Variants in TBK1 observed in about 807,000 individuals in gnomAD.
TBK1 encodes the protein serine/threonine-protein kinase TBK1.
Under a neutral mutation model 99.9 loss-of-function variants are expected in TBK1, and 37 were observed. The observed-to-expected ratio is 0.37, with a 90% CI of 0.28 to 0.49. The LOEUF is 0.49. Ranked by LOEUF, TBK1 falls within the 20% of genes least tolerant of loss-of-function variation. The pLI, the probability that TBK1 is intolerant of heterozygous loss-of-function variation, is 0.98. For synonymous variants in TBK1, 258 were observed against 279.8 expected, an observed-to-expected ratio of 0.92 and a Z score of 0.78; for missense variants, 644 against 872.5, an observed-to-expected ratio of 0.74 and a Z score of 3.30.
intron 4 of TBK1, 44 bp downstream of exon 4, chr12:64,464,507 A>T (rs1443105494): frequency 1.4e-6 from 2 of 1,428,068 alleles, no homozygotes; most frequent in East Asian, 5.1e-5. Context: ...TATAAAATTT[A>T]ATAACAGAAT....
At chr12:64,459,267 G>T (rs2040521797) in intron 2 of TBK1, among the ~76,000 whole-genome samples, 1 of 152,154 alleles carries the variant, frequency 6.6e-6, no homozygotes, top group Non-Finnish European at 1.5e-5. Flanking sequence ...CTCAAGATCT[G>T]GACTGGCCAC....
chr12:64,462,390 A>C (rs1380989272), intron 3 of TBK1, among the ~76,000 whole-genome samples: 2 of 152,262 alleles, frequency 1.3e-5, no homozygotes, highest in Non-Finnish European at 2.9e-5. Flanking sequence ...TCAGGATTAA[A>C]AATATATATG....
chr12:64,487,601 G>A (rs776867564), intron 11 of TBK1, among the ~76,000 whole-genome samples: 19 of 151,952 alleles, frequency 1.3e-4, no homozygotes, highest in Admixed American at 1.1e-3. Context: ...CTTATCTATC[G>A]TCAATTGCTG....
At chr12:64,488,796 A>G (rs145654354) in intron 12 of TBK1, among the ~76,000 whole-genome samples, 260 of 152,346 alleles carry the variant, frequency 1.7e-3, no homozygotes, top group Admixed American at 1.4e-3. Flanking sequence ...AATGGAGACC[A>G]TCCTAGCCAA....
intron 13 of TBK1, among the ~76,000 whole-genome samples, chr12:64,491,576 T>G (rs570896394): frequency 3.3e-5 from 5 of 152,288 alleles, no homozygotes; most frequent in African/African-American, 1.2e-4. Context: ...TGAGCCGAGA[T>G]CGTGCCACTT....
intron 16 of TBK1, among the ~76,000 whole-genome samples, chr12:64,496,612 G>C (rs557598080): frequency 6.6e-6 from 1 of 152,240 alleles, no homozygotes; most frequent in Non-Finnish European, 1.5e-5. Context: ...GAGAAGGAGG[G>C]GGGAGAAAGA....
intron 3 of TBK1, among the ~76,000 whole-genome samples, chr12:64,463,441 G>A (rs186371730): frequency 8.0e-4 from 121 of 151,916 alleles, no homozygotes; most frequent in African/African-American, 2.8e-3. Flanking sequence ...GCTCATGCTT[G>A]CAATCCCAGC....
rs764851412 is a variant in TBK1, at chr12:64,481,817, A to G, written c.813-25A>G. On this transcript the variant is annotated intron_variant, in intron 7 of 20. Coordinates refer to ENST00000331710, the MANE Select transcript of TBK1 (RefSeq NM_013254.4). ...ACAGAATATGATATATTCACTCTTC[A>G]AGTAACTTTTCAATACTATTTTAGG... 9 of 1,501,160 alleles carry G rather than the reference A, an allele frequency of 6.0e-6. No homozygotes were observed. The East Asian group carries it at 2.2e-4, about 36-fold the overall frequency. The allele number at this position is 1,501,160 out of a possible 1,614,324, so 93.0% of individuals were successfully genotyped here. A position where few individuals can be genotyped will look rare whatever the true frequency, so the allele number is the denominator to read the frequency against.
At chr12:64,480,712 A>G (rs960870104) in intron 7 of TBK1, among the ~76,000 whole-genome samples, 4 of 152,210 alleles carry the variant, frequency 2.6e-5, no homozygotes, top group African/African-American at 7.2e-5. Context: ...TTAAAAGTAG[A>G]AAGTAAATTA....
chr12:64,467,148 A>G, intron 5 of TBK1, 66 bp downstream of exon 5: 1 of 1,267,644 alleles, frequency 7.9e-7, no homozygotes, highest in East Asian at 2.7e-5. Flanking sequence ...TAATTGGGTA[A>G]TTGGTCAGCC....
At chr12:64,456,053 A>T in intron 2 of TBK1, 96 bp downstream of exon 2, 2 of 882,260 alleles carry the variant, frequency 2.3e-6, no homozygotes, top group Non-Finnish European at 3.5e-6. Context: ...GGTGATTTTG[A>T]TCCCTTTGTC....
At chr12:64,495,073 T>C (rs1472135041) in intron 13 of TBK1, among the ~76,000 whole-genome samples, 2 of 152,220 alleles carry the variant, frequency 1.3e-5, no homozygotes, top group Non-Finnish European at 2.9e-5. Context: ...TGGTTTGGCC[T>C]CTAAACAAGA....
chr12:64,487,489 A>G (rs118140636), intron 11 of TBK1, among the ~76,000 whole-genome samples: 2,038 of 152,160 alleles, frequency 0.013, 22 homozygotes, highest in Middle Eastern at 0.024. Flanking sequence ...GTGTTCACAT[A>G]TCTTAGTTCC....
At chr12:64,497,564 C>CTTGA in intron 18 of TBK1, 84 bp from the exon 19 acceptor site, 1 of 894,876 alleles carries the variant, frequency 1.1e-6, no homozygotes. Context: ...AGCTGTAACA[C>CTTGA]TTGATGTCAG....
At chr12:64,466,785 AC>A in intron 4 of TBK1, 115 bp from the exon 5 acceptor site, 1 of 701,208 alleles carries the variant, frequency 1.4e-6, no homozygotes, top group Non-Finnish European at 2.0e-6. Context: ...ATTACTTTGA[AC>A]CAAATTATGG....
intron 11 of TBK1, among the ~76,000 whole-genome samples, chr12:64,487,963 A>G (rs1454734378): frequency 6.6e-6 from 1 of 152,212 alleles, no homozygotes; most frequent in East Asian, 1.9e-4. Flanking sequence ...TTTTTGCTCA[A>G]AGTTTATGCT....
At position 64,498,042 on chromosome 12, in the gene TBK1, G is replaced by A. The variant is rs371340012; in HGVS notation, c.2138+3G>A. On this transcript the variant is annotated splice_donor_region_variant and intron_variant, in intron 20 of 20. Transcript: ENST00000331710. ...GAAAATAACCACATTTTAGAAAGGT[G>A]AGTAATGCAAAAATAATTACTGTGA... is the stretch of plus-strand genomic sequence containing the variant. 2 of 1,600,764 alleles carry A rather than the reference G, an allele frequency of 1.2e-6. No individual in the cohort carries two copies. The highest frequency in any genetic ancestry group is 1.7e-6 in the Non-Finnish European group (2 of 1,175,858).
At chr12:64,466,717 A>G (rs1042998339) in intron 4 of TBK1, among the ~76,000 whole-genome samples, 184 bp from the exon 5 acceptor site, 1 of 151,200 alleles carries the variant, frequency 6.6e-6, no homozygotes, top group African/African-American at 2.4e-5. Flanking sequence ...AAAACTTCTT[A>G]TAACTAAAAC....
At chr12:64,485,836 A>T in intron 10 of TBK1, 90 bp from the exon 11 acceptor site, 1 of 888,744 alleles carries the variant, frequency 1.1e-6, no homozygotes. Context: ...ACCTGATAAA[A>T]ATGTGTAAGC....
Sources: gnomAD v4.1 joint callset for allele counts (sites outside exome capture counted in the v4.1 genomes callset) on GRCh38, gnomAD v4.1.1 for gene constraint, MANE v1.5 for transcripts, NCBI Gene and HGNC (gene_info 2026-07-23, HGNC 2026-07-21) for gene names.